VAV2: variants seen among roughly 807,000 people sequenced by gnomAD.
VAV2 encodes the protein guanine nucleotide exchange factor VAV2.
In VAV2, 67 loss-of-function variants were observed where a neutral mutation model predicts 132.5. The observed-to-expected ratio is 0.51, with a 90% confidence interval of 0.42 to 0.62. The LOEUF is 0.62. VAV2 is among the 20% of genes least tolerant of loss of function. VAV2 has a pLI of 0.00. For missense variants in VAV2, 938 were observed against 1,153.6 expected (o/e 0.81, Z 2.71); for synonymous variants, 492 against 443.5 (o/e 1.11, Z -1.37).
chr9:133,839,267 G>A (rs1262608775), intron 3 of VAV2, among the ~76,000 whole-genome samples: 1 of 151,954 alleles, frequency 6.6e-6, no homozygotes, highest in Non-Finnish European at 1.5e-5. Flanking sequence ...AGGACAGATG[G>A]ATGAGAGAGT....
At chr9:133,807,371 A>G (rs2510246) in intron 7 of VAV2, 45 bp from the exon 8 acceptor site, 552,476 of 1,548,614 alleles carry the variant, frequency 0.36, 101,783 homozygotes, top group African/African-American at 0.57. Flanking sequence ...GCTGTTGCCC[A>G]CCCTCTCAAG....
rs996246419 is a variant in VAV2 at position 133,918,656 on chromosome 9, T to G, written c.321+20447A>C. Reference sequence around the variant, plus strand: ...ATGTAGCATGCCCGAGGTCGCGCCTTTAATAAACACACAGGCAGACCTCAA... The same window carrying G: ...ATGTAGCATGCCCGAGGTCGCGCCTGTAATAAACACACAGGCAGACCTCAA... On this transcript the variant is annotated intron_variant, in intron 2 of 29. Coordinates refer to ENST00000371850, the MANE Select transcript of VAV2 (RefSeq NM_001134398.2). This position sits in a 1 kb window ranked among gnomAD's most constrained non-coding sequence, Gnocchi z 4.7. 2.6e-5 allele frequency among the ~76,000 whole-genome samples: 4 copies of G among 152,074 alleles called. No homozygotes were observed. Among genetic ancestry groups the G allele is most frequent in the African/African-American group, 9.7e-5 (4 of 41,392 alleles).
At chr9:133,915,963 GTACACA>G (rs1840072653) in intron 2 of VAV2, among the ~76,000 whole-genome samples, 2 of 101,980 alleles carry the variant, frequency 2.0e-5, no homozygotes. Flanking sequence ...ATGCACACAC[GTACACA>G]TACACACTCA....
intron 2 of VAV2, among the ~76,000 whole-genome samples, chr9:133,882,660 C>G (rs1474844896): frequency 1.3e-5 from 2 of 152,116 alleles, no homozygotes; most frequent in Non-Finnish European, 2.9e-5. Flanking sequence ...CAGGAGAGGG[C>G]AGAATAAATC....
intron 22 of VAV2, among the ~76,000 whole-genome samples, chr9:133,778,129 T>C (rs1364039100): frequency 6.6e-6 from 1 of 151,518 alleles, no homozygotes; most frequent in African/African-American, 2.4e-5. Context: ...AGGGCAAATG[T>C]GCCCAGAACC....
chr9:133,782,414 T>C (rs1834043691), intron 19 of VAV2, among the ~76,000 whole-genome samples: 1 of 152,036 alleles, frequency 6.6e-6, no homozygotes, highest in Admixed American at 6.5e-5. Flanking sequence ...CAGCACTAAC[T>C]CCAGGGGCTG....
rs922738857 is a variant in VAV2, at chr9:133,879,502, C to A, written c.322-18070G>T. On this transcript the variant is annotated intron_variant, in intron 2 of 29. Transcript: ENST00000371850. This position sits in a 1 kb window ranked among gnomAD's most constrained non-coding sequence, Gnocchi z 4.4. Reference sequence around the variant, plus strand: ...GTCAGAGGCTCACCATAAATGTGGGCAAGCCTCCTATAAGAAGGCATCGAT... The same window carrying A: ...GTCAGAGGCTCACCATAAATGTGGGAAAGCCTCCTATAAGAAGGCATCGAT... 6.6e-6 allele frequency among the ~76,000 whole-genome samples: 1 copy of A among 152,124 alleles called. No homozygotes were observed. Among genetic ancestry groups the A allele is most frequent in the African/African-American group, 2.4e-5 (1 of 41,414 alleles).
intron 16 of VAV2, among the ~76,000 whole-genome samples, chr9:133,786,812 G>A (rs1428632933): frequency 6.6e-6 from 1 of 152,224 alleles, no homozygotes; most frequent in East Asian, 1.9e-4. Flanking sequence ...GGAGCCTACT[G>A]GGTTAGAAAA....
At chr9:133,963,922 C>A (rs995211901) in intron 1 of VAV2, among the ~76,000 whole-genome samples, 1 of 151,074 alleles carries the variant, frequency 6.6e-6, no homozygotes, top group Non-Finnish European at 1.5e-5. Flanking sequence ...TATAGCACAG[C>A]CCAGTTCTGT....
Position 133,764,105 on chromosome 9 carries a change from C to T in VAV2, c.2594G>A (p.Gly865Asp). ...WWKGETNGRI[G>D]WFPSTYVEEE... ...TTCTACGTACGTTGAAGGAAACCAG[C>T]CAATCTGAAAAAGATGGTAAGATCG... Residue 865 changes from glycine to aspartate, a missense_variant, in exon 30 of 30, where the codon GGC becomes GAC. Transcript: ENST00000371850. 1 of 1,613,408 alleles carries T rather than the reference C, an allele frequency of 6.2e-7. No individual in the cohort carries two copies. Among genetic ancestry groups the T allele is most frequent in the Non-Finnish European group, 8.5e-7 (1 of 1,179,806 alleles).
Position 133,769,424 on chromosome 9 carries a change from G to A in VAV2, c.2427C>T (p.Phe809=), listed in dbSNP as rs752721596. Residue 809 remains phenylalanine, a synonymous_variant, in exon 28 of 30, where the codon TTC becomes TTT. Coordinates refer to ENST00000371850, the MANE Select transcript of VAV2 (RefSeq NM_001134398.2). This position sits in a 1 kb window ranked among gnomAD's most constrained non-coding sequence, Gnocchi z 8.1. ...SFASQGPSAP[F]WSVFTPRVIG... The stretch of plus-strand genomic sequence containing the variant: ...CCTGGGGAGCAGCGGTACCTGACCA[G>A]AAGGGAGCGGAGGGGCCCTGAGAAG... The A allele has an allele frequency of 9.3e-6, 15 of 1,612,034 alleles. No individual in the cohort carries two copies. The highest frequency in any genetic ancestry group is 1.0e-5 in the Non-Finnish European group (12 of 1,179,208).
chr9:133,982,500 G>A (rs1180850989), intron 1 of VAV2, among the ~76,000 whole-genome samples: 4 of 151,010 alleles, frequency 2.6e-5, no homozygotes, highest in East Asian at 2.0e-4. Flanking sequence ...AGGATGGGGC[G>A]CGGCAGACTG....
intron 1 of VAV2, among the ~76,000 whole-genome samples, chr9:133,967,957 A>AT (rs34652582): frequency 7.3e-6 from 1 of 137,382 alleles, no homozygotes; most frequent in Admixed American, 7.4e-5. Context: ...AAAAAAAAAA[A>AT]CCTAAATATC....
At position 133,964,189 on chromosome 9, in the gene VAV2, C is replaced by T. The variant is rs1252971553; in HGVS notation, c.205-24970G>A. ...TCTGAGCAACATGGCAAAACCCTGT[C>T]TCTACAAAACATACAAAAATTGGCC... On this transcript the variant is annotated intron_variant, in intron 1 of 29. Transcript: ENST00000371850. 4.0e-5 allele frequency among the ~76,000 whole-genome samples: 6 copies of T among 150,742 alleles called. No homozygotes were observed. The East Asian group carries it at 1.2e-3, about 29-fold the overall frequency.
intron 2 of VAV2, among the ~76,000 whole-genome samples, chr9:133,900,507 T>C (rs553072671): frequency 6.7e-6 from 1 of 148,788 alleles, no homozygotes; most frequent in Admixed American, 6.7e-5. Context: ...CATAAAGAAA[T>C]TCCCTGACCT....
At chr9:133,775,148 T>C in intron 24 of VAV2, 97 bp from the exon 25 acceptor site, 1 of 978,042 alleles carries the variant, frequency 1.0e-6, no homozygotes, top group Non-Finnish European at 1.5e-6. Flanking sequence ...TGAAGTACTC[T>C]GCAGTCCTCA....
chr9:133,792,748 G>A (rs961192497), intron 12 of VAV2, among the ~76,000 whole-genome samples: 8 of 139,820 alleles, frequency 5.7e-5, no homozygotes, highest in Non-Finnish European at 9.0e-5. Flanking sequence ...CCATCCTGCC[G>A]GGGAGGCCGC....
At chr9:133,835,130 T>A (rs1266027118) in intron 3 of VAV2, among the ~76,000 whole-genome samples, 6 of 152,348 alleles carry the variant, frequency 3.9e-5, no homozygotes, top group Admixed American at 3.3e-4. Context: ...GGAACTGTCA[T>A]GCATATGTAC....
intron 3 of VAV2, among the ~76,000 whole-genome samples, chr9:133,846,627 C>T (rs1410278498): frequency 6.6e-6 from 1 of 152,156 alleles, no homozygotes; most frequent in African/African-American, 2.4e-5. Context: ...CTGCCTGGGC[C>T]TCCCTGTCCC....
Sources: gnomAD v4.1 joint callset for allele counts (sites outside exome capture counted in the v4.1 genomes callset) on GRCh38, gnomAD v4.1.1 for gene constraint, Gnocchi (gnomAD v3.1) non-coding constraint, MANE v1.5 for transcripts, NCBI Gene and HGNC (gene_info 2026-07-23, HGNC 2026-07-21) for gene names.